Variants in AMBRA1 observed in about 807,000 individuals in gnomAD.
AMBRA1 encodes the protein autophagy and beclin 1 regulator 1.
AMBRA1 carries 47 observed loss-of-function variants against 125.4 expected under a neutral mutation model. The observed-to-expected ratio is 0.37, with a 90% CI of 0.30 to 0.48. The LOEUF (loss-of-function observed/expected upper bound fraction) is 0.48, where lower values mean the gene tolerates loss of function less well. Among genes scored for constraint, AMBRA1 ranks in the 20% least tolerant of loss-of-function variants. The pLI, the probability that AMBRA1 is intolerant of heterozygous loss-of-function variation, is 0.99. For missense variants in AMBRA1, 1,331 were observed against 1,693.4 expected, an observed-to-expected ratio of 0.79 and a Z score of 3.76; for synonymous variants, 626 against 655.5, an observed-to-expected ratio of 0.95 and a Z score of 0.69.
At position 46,545,780 on chromosome 11, in the gene AMBRA1, T is replaced by C; in HGVS notation, c.379-4A>G. The C allele has an allele frequency of 1.2e-6, 2 of 1,613,464 alleles. No individual in the cohort carries two copies. Among genetic ancestry groups the C allele is most frequent in the Non-Finnish European group, 1.7e-6 (2 of 1,179,598 alleles). ...TGAACCAGCTTTCACTGCCACCCTG[T>C]GAATGAACCAATTCCAGATATTCTC... On this transcript the variant is annotated splice_polypyrimidine_tract_variant and splice_region_variant and intron_variant, in intron 4 of 17. Transcript: ENST00000683756.
intron 11 of AMBRA1, among the ~76,000 whole-genome samples, chr11:46,477,360 CAG>C (rs997714349): frequency 6.6e-6 from 1 of 150,894 alleles, no homozygotes. Context: ...CTCTGTCACT[CAG>C]ACTGGAGTGC....
rs184845699 is a variant in AMBRA1, at chr11:46,441,212, C to T, written c.2632+2276G>A. 3.9e-3 allele frequency among the ~76,000 whole-genome samples: 598 copies of T among 152,242 alleles called. 3 individuals are homozygous for T. The highest frequency in any genetic ancestry group is 0.014 in the African/African-American group (582 of 41,536). ...ATAGAAACAAATACAAATCTGTTTTCGTTATTAAAAGATAAGCTGGGCCGG... is the reference window on the plus strand; with the variant it reads ...ATAGAAACAAATACAAATCTGTTTTTGTTATTAAAAGATAAGCTGGGCCGG... On this transcript the variant is annotated intron_variant, in intron 12 of 17. Coordinates refer to ENST00000683756, the MANE Select transcript of AMBRA1 (RefSeq NM_001387011.1).
At chr11:46,496,319 T>C (rs1336739539) in intron 9 of AMBRA1, among the ~76,000 whole-genome samples, 1 of 151,886 alleles carries the variant, frequency 6.6e-6, no homozygotes. Flanking sequence ...GAGATGGAGG[T>C]TGCAGTGAGC....
intron 5 of AMBRA1, among the ~76,000 whole-genome samples, chr11:46,544,679 A>C (rs1203603390): frequency 6.6e-6 from 1 of 152,130 alleles, no homozygotes. Flanking sequence ...GGTTTTCCCA[A>C]AGAAGTACTA....
chr11:46,581,466 G>T (rs1405139842), intron 1 of AMBRA1, among the ~76,000 whole-genome samples: 1 of 152,056 alleles, frequency 6.6e-6, no homozygotes, highest in African/African-American at 2.4e-5. Flanking sequence ...AATTAGCCTG[G>T]TGTGGTGGTA....
At chr11:46,582,595 C>G (rs1460112472) in intron 1 of AMBRA1, among the ~76,000 whole-genome samples, 1 of 152,104 alleles carries the variant, frequency 6.6e-6, no homozygotes, top group Admixed American at 6.6e-5. Context: ...AGGTTAAGAG[C>G]AGGGGAATGT....
chr11:46,485,217 C>T (rs569707148), intron 11 of AMBRA1, among the ~76,000 whole-genome samples: 5 of 152,294 alleles, frequency 3.3e-5, no homozygotes, highest in East Asian at 3.9e-4. Flanking sequence ...GGATTACAGG[C>T]GTGAGCCCCT....
At chr11:46,507,616 C>G (rs1017772330) in intron 9 of AMBRA1, among the ~76,000 whole-genome samples, 6 of 152,138 alleles carry the variant, frequency 3.9e-5, no homozygotes, top group Non-Finnish European at 8.8e-5. Context: ...ATTTCTCAAC[C>G]CACCACATTA....
chr11:46,428,008 C>T (rs1214657755), intron 14 of AMBRA1, among the ~76,000 whole-genome samples: 6 of 63,382 alleles, frequency 9.5e-5, no homozygotes, highest in Admixed American at 1.9e-4. Context: ...GACTCCATGT[C>T]AAAAAAAAAA....
At chr11:46,568,479 CA>C (rs979572501) in intron 1 of AMBRA1, among the ~76,000 whole-genome samples, 1 of 149,366 alleles carries the variant, frequency 6.7e-6, no homozygotes, top group Non-Finnish European at 1.5e-5. Flanking sequence ...AAACAAAAAA[CA>C]AAAAAAAAGT....
chr11:46,519,962 A>G (rs1451067035), intron 7 of AMBRA1, among the ~76,000 whole-genome samples: 2 of 152,062 alleles, frequency 1.3e-5, no homozygotes, highest in African/African-American at 4.8e-5. Context: ...CAACATGGAG[A>G]AACCCCGTCT....
Position 46,547,315 on chromosome 11 carries a change from G to C in AMBRA1, c.195-19C>G, listed in dbSNP as rs2042855465. On this transcript the variant is annotated intron_variant, in intron 3 of 17. Coordinates refer to ENST00000683756, the MANE Select transcript of AMBRA1 (RefSeq NM_001387011.1). ...GAGAGTCCTAGAAAATCAAAGAGTA[G>C]AACTGAATTCAGAAGCATGTGGAAG... is the stretch of plus-strand genomic sequence containing the variant. The C allele has an allele frequency of 6.3e-7, 1 of 1,588,886 alleles. No homozygotes were observed. Among genetic ancestry groups the C allele is most frequent in the South Asian group, 1.1e-5 (1 of 87,164 alleles).
At chr11:46,583,697 C>CAAAAAAA (rs2044265353) in intron 1 of AMBRA1, among the ~76,000 whole-genome samples, 1 of 129,164 alleles carries the variant, frequency 7.7e-6, no homozygotes, top group African/African-American at 2.8e-5. Flanking sequence ...ACAACCCCAT[C>CAAAAAAA]AAAAAGTGGG....
At chr11:46,523,797 G>C (rs1488870009) in intron 7 of AMBRA1, among the ~76,000 whole-genome samples, 2 of 152,236 alleles carry the variant, frequency 1.3e-5, no homozygotes, top group African/African-American at 4.8e-5. Flanking sequence ...GAACCAGGCA[G>C]TACTATTAAC....
In AMBRA1 at chr11:46,544,002, T is replaced by A; in HGVS notation, c.591A>T (p.Thr197=). ...RFDPLGHYLL[T]AIVNPSNQQG... ...GTTGATTAGAGGGGTTAACAATTGC[T>A]GTGAGTAAGTAGTGTCCAAGTGGAT... The change falls in exon 6 of 18, where the codon ACA becomes ACT. Residue 197 remains threonine (T), a synonymous_variant. Coordinates refer to ENST00000683756, the MANE Select transcript of AMBRA1 (RefSeq NM_001387011.1). 6.2e-7 allele frequency: 1 copy of A among 1,614,054 alleles called. No homozygotes were observed.
rs773978024 is a variant in AMBRA1 at position 46,547,228 on chromosome 11, A to G, written c.263T>C (p.Val88Ala). 3 of 1,614,010 alleles carry G rather than the reference A, an allele frequency of 1.9e-6. No individual in the cohort carries two copies. The South Asian group carries it at 3.3e-5, about 18-fold the overall frequency. ...YITEVKTGKC[V>A]HSLIGHRRTP... Reference sequence around the variant, plus strand: ...ACGGCGGTGTCCAATCAGGGAATGAACACACTTGCCAGTCTTCACCTCCGT... The same window carrying G: ...ACGGCGGTGTCCAATCAGGGAATGAGCACACTTGCCAGTCTTCACCTCCGT... Residue 88 changes from valine to alanine, a missense_variant, in exon 4 of 18, where the codon GTT (valine) becomes GCT (alanine). By Grantham distance (64) the Val-to-Ala change is moderately conservative. This residue lies in a region of AMBRA1 where 144 missense variants were observed against 250.4 expected (regional missense o/e 0.58). Transcript: ENST00000683756.
intron 11 of AMBRA1, among the ~76,000 whole-genome samples, chr11:46,467,643 G>A (rs1168012933): frequency 1.3e-5 from 2 of 151,484 alleles, no homozygotes; most frequent in African/African-American, 4.9e-5. Context: ...CTGCCTCCTG[G>A]GTTCAAGCGA....
intron 16 of AMBRA1, 122 bp downstream of exon 16, chr11:46,410,154 A>C: frequency 1.2e-6 from 1 of 801,136 alleles, no homozygotes; most frequent in South Asian, 1.4e-5. Context: ...AAGATCAAGG[A>C]GGTGCTGCTC....
chr11:46,430,207 G>C (rs1000181815), intron 14 of AMBRA1, among the ~76,000 whole-genome samples: 3 of 152,220 alleles, frequency 2.0e-5, no homozygotes, highest in Non-Finnish European at 4.4e-5. Flanking sequence ...GCCTAGAAAA[G>C]ATGGGAGGTG....
Sources: gnomAD v4.1 joint callset for allele counts (sites outside exome capture counted in the v4.1 genomes callset) on GRCh38, gnomAD v4.1.1 for gene constraint, gnomAD v4.1.1 regional missense constraint, MANE v1.5 for transcripts, NCBI Gene and HGNC (gene_info 2026-07-23, HGNC 2026-07-21) for gene names.